The following NANOG variants were observed in gnomAD, a reference collection of about 807,000 sequenced individuals.
The protein encoded by NANOG is Nanog homeobox.
A neutral mutation model predicts 17.7 loss-of-function variants in NANOG; 2 were observed. That is an observed-to-expected ratio of 0.11 (90% CI 0.05 to 0.36). The LOEUF is 0.36. Among genes scored for constraint, NANOG ranks in the 10% least tolerant of loss-of-function variants. The pLI is 1.00. For synonymous variants in NANOG, 81 were observed against 124.7 expected (o/e 0.65, Z 2.33); for missense variants, 174 against 362.1 (o/e 0.48, Z 4.22).
rs73270925 is a variant in NANOG, at chr12:7,793,532, G to A, written c.414+320G>A. 7.5e-3 allele frequency among the ~76,000 whole-genome samples: 1,138 copies of A among 152,158 alleles called. 18 individuals are homozygous for A. The highest frequency in any genetic ancestry group is 0.026 in the African/African-American group (1,067 of 41,474). On this transcript the variant is annotated intron_variant, in intron 2 of 3. Transcript: ENST00000229307. ...GTAGGAGAAACCCTAACTCACACTG[G>A]TTCTCATTAAAATAAAAACTTTTTT...
In NANOG at chr12:7,795,227, A is replaced by G; in HGVS notation, c.*132A>G. The G allele has an allele frequency of 1.5e-6, 1 of 675,834 alleles. No homozygotes were observed. Among genetic ancestry groups the G allele is most frequent in the Non-Finnish European group, 2.6e-6 (1 of 379,828 alleles). The allele number at this position is 675,834 out of a possible 1,614,324, so 41.9% of individuals were successfully genotyped here. A position where few individuals can be genotyped will look rare whatever the true frequency, so the allele number is the denominator to read the frequency against. On this transcript the variant is annotated 3_prime_UTR_variant, in exon 4 of 4. Transcript: ENST00000229307. ...GTTCTGGTTTCCATGATGCCCATCC[A>G]GTCAATCTCATGGAGGGTGGAGTAT...
intron 1 of NANOG, among the ~76,000 whole-genome samples, chr12:7,791,558 C>A (rs898833359): frequency 6.6e-6 from 1 of 152,058 alleles, no homozygotes; most frequent in African/African-American, 2.4e-5. Context: ...GATCTACTTG[C>A]AAGAGAGAAG....
Position 7,795,058 on chromosome 12 carries a change from T to C in NANOG, c.881T>C (p.Leu294Pro). Reference sequence around the variant, plus strand: ...ACTCCACAAACCATGGATTTATTCCTAAACTACTCCATGAACATGCAACCT... The same window carrying C: ...ACTCCACAAACCATGGATTTATTCCCAAACTACTCCATGAACATGCAACCT... ...FSTPQTMDLFLNYSMNMQPED... is the reference protein window; with the variant it reads ...FSTPQTMDLFPNYSMNMQPED... Residue 294 changes from leucine to proline, a missense_variant, in exon 4 of 4, where the codon CTA becomes CCA. By Grantham distance (98) the Leu-to-Pro change is moderately conservative. Coordinates refer to ENST00000229307, the MANE Select transcript of NANOG (RefSeq NM_024865.4). 1 of 1,348,998 alleles carries C rather than the reference T, an allele frequency of 7.4e-7. No homozygotes were observed. The highest frequency in any genetic ancestry group is 1.0e-6 in the Non-Finnish European group (1 of 954,022). The allele number at this position is 1,348,998 out of a possible 1,614,324, so 83.6% of individuals were successfully genotyped here. A position where few individuals can be genotyped will look rare whatever the true frequency, so the allele number is the denominator to read the frequency against.
intron 2 of NANOG, among the ~76,000 whole-genome samples, chr12:7,794,015 G>C (rs1269702908): frequency 6.6e-6 from 1 of 152,126 alleles, no homozygotes; most frequent in African/African-American, 2.4e-5. Flanking sequence ...AAAGTGCTAG[G>C]ATTACAGGTG....
chr12:7,793,255 A>T, intron 2 of NANOG, 43 bp downstream of exon 2: 1 of 1,600,992 alleles, frequency 6.2e-7, no homozygotes, highest in Non-Finnish European at 8.5e-7. Flanking sequence ...CAAAAATTGG[A>T]CTAATTTGCA....
At chr12:7,789,887 T>C (rs1862813675) in intron 1 of NANOG, 122 bp downstream of exon 1, 2 of 1,036,758 alleles carry the variant, frequency 1.9e-6, no homozygotes, top group African/African-American at 1.6e-5. Context: ...GAAGTGTTAT[T>C]ATCAACTAAT....
rs566342672 is a variant in NANOG, at chr12:7,794,177, G to A, written c.415-280G>A. 8.1e-4 allele frequency among the ~76,000 whole-genome samples: 124 copies of A among 152,258 alleles called. 2 individuals are homozygous for A. Among genetic ancestry groups the A allele is most frequent in the Middle Eastern group, 6.8e-3 (2 of 294 alleles). ...CAGCCTTCACTTCCCAGGTGCAAGCGATCCTCCCGTCTCAGCCTCCTGAGA... is the reference window on the plus strand; with the variant it reads ...CAGCCTTCACTTCCCAGGTGCAAGCAATCCTCCCGTCTCAGCCTCCTGAGA... On this transcript the variant is annotated intron_variant, in intron 2 of 3. Coordinates refer to ENST00000229307, the MANE Select transcript of NANOG (RefSeq NM_024865.4).
rs192830112 is a variant in NANOG, at chr12:7,790,843, A to G, written c.151+1078A>G. Among the ~76,000 whole-genome samples, 741 of 152,230 alleles carry G rather than the reference A, an allele frequency of 4.9e-3. 2 individuals carry two copies. The highest frequency in any genetic ancestry group is 8.9e-3 in the Non-Finnish European group (604 of 68,018). On this transcript the variant is annotated intron_variant, in intron 1 of 3. Coordinates refer to ENST00000229307, the MANE Select transcript of NANOG (RefSeq NM_024865.4). ...TCACCGCAGCCTCAACCCTGAGATC[A>G]AGTGATCCTCTTGCCTCAGCCTCCC...
chr12:7,793,305 A>G, intron 2 of NANOG, 93 bp downstream of exon 2: 1 of 1,209,164 alleles, frequency 8.3e-7, no homozygotes, highest in Non-Finnish European at 1.2e-6. Flanking sequence ...TGTGTGTACT[A>G]TGTGTCCGTA....
intron 1 of NANOG, 110 bp from the exon 2 acceptor site, chr12:7,792,840 G>A (rs2120567042): frequency 8.7e-7 from 1 of 1,145,918 alleles, no homozygotes; most frequent in Non-Finnish European, 1.2e-6. Flanking sequence ...TTATTACTTA[G>A]ATCTGGGGTT....
chr12:7,792,886 T>A lies in NANOG; in HGVS notation c.152-64T>A. 12 of 1,484,020 alleles carry A rather than the reference T, an allele frequency of 8.1e-6. No homozygotes were observed. The South Asian group carries it at 1.4e-4, about 18-fold the overall frequency. 91.9% of individuals were successfully genotyped at this position (1,484,020 alleles called of 1,614,324 possible). A position where few individuals can be genotyped will look rare whatever the true frequency, so the allele number is the denominator to read the frequency against. The stretch of plus-strand genomic sequence containing the variant: ...TCAAAGTACTTTGAAAACAATTTTT[T>A]TAAAGGATATTTTAATATTTGAAAA... On this transcript the variant is annotated intron_variant, in intron 1 of 3. Coordinates refer to ENST00000229307, the MANE Select transcript of NANOG (RefSeq NM_024865.4).
At chr12:7,794,408 T>A (rs775686047) in intron 2 of NANOG, 49 bp from the exon 3 acceptor site, 1 of 1,496,180 alleles carries the variant, frequency 6.7e-7, no homozygotes, top group Admixed American at 1.8e-5. Flanking sequence ...TGATTCAAAG[T>A]ACCTCTGTAT....
In NANOG at chr12:7,793,063, G is replaced by A. The variant is rs756026216; in HGVS notation, c.265G>A (p.Asp89Asn). ...SAEKSVAKKE[D>N]KVPVKKQKTR... ...AGAGAAGAGTGTCGCAAAAAAGGAA[G>A]ACAAGGTCCCGGTCAAGAAACAGAA... is the stretch of plus-strand genomic sequence containing the variant. Residue 89 changes from aspartate (D) to asparagine (N), a missense_variant, in exon 2 of 4, where the codon GAC becomes AAC. This residue lies in a region of NANOG where 158 missense variants were observed against 244.2 expected (regional missense o/e 0.65). Coordinates refer to ENST00000229307, the MANE Select transcript of NANOG (RefSeq NM_024865.4). 23 of 1,609,992 alleles carry A rather than the reference G, an allele frequency of 1.4e-5. No individual in the cohort carries two copies. Among genetic ancestry groups the A allele is most frequent in the Non-Finnish European group, 2.0e-5 (23 of 1,176,510 alleles).
Position 7,795,523 on chromosome 12 carries a change from G to A in NANOG, c.*428G>A, listed in dbSNP as rs1259722758. The A allele has an allele frequency of 2.3e-5, 3 of 133,204 alleles. No individual in the cohort carries two copies. Among genetic ancestry groups the A allele is most frequent in the South Asian group, 1.1e-4 (1 of 8,986 alleles). 8.3% of individuals were successfully genotyped at this position (133,204 alleles called of 1,614,324 possible). A position where few individuals can be genotyped will look rare whatever the true frequency, so the allele number is the denominator to read the frequency against. ...TTTTTAGTAGAGACGGGGTTTCACT[G>A]TGTTAGCCAGGATGGTCTCGATCTC... On this transcript the variant is annotated 3_prime_UTR_variant, in exon 4 of 4. Transcript: ENST00000229307.
Position 7,796,641 on chromosome 12 carries a change from C to T in NANOG, c.*1546C>T, listed in dbSNP as rs1215661688. ...TATCTGATCTGAGAGCACGTCCCTTCACTCTGAAGCAGCATGATGCAGGTT... is the reference window on the plus strand; with the variant it reads ...TATCTGATCTGAGAGCACGTCCCTTTACTCTGAAGCAGCATGATGCAGGTT... On this transcript the variant is annotated 3_prime_UTR_variant, in exon 4 of 4. Transcript: ENST00000229307. 6.6e-6 allele frequency: 1 copy of T among 152,188 alleles called. No individual in the cohort carries two copies. The highest frequency in any genetic ancestry group is 1.5e-5 in the Non-Finnish European group (1 of 68,048). 9.4% of individuals were successfully genotyped at this position (152,188 alleles called of 1,614,324 possible). A position where few individuals can be genotyped will look rare whatever the true frequency, so the allele number is the denominator to read the frequency against.
chr12:7,792,830 T>C, intron 1 of NANOG, 120 bp from the exon 2 acceptor site: 1 of 1,053,436 alleles, frequency 9.5e-7, no homozygotes, highest in East Asian at 2.5e-5. Context: ...AAATTGCTTC[T>C]TATTACTTAG....
chr12:7,792,002 C>G (rs1862847753), intron 1 of NANOG, among the ~76,000 whole-genome samples: 1 of 152,208 alleles, frequency 6.6e-6, no homozygotes, highest in African/African-American at 2.4e-5. Context: ...TCAAGTGATT[C>G]TCCTGCCTCA....
Position 7,790,284 on chromosome 12 carries a change from C to T in NANOG, c.151+519C>T, listed in dbSNP as rs747937920. On this transcript the variant is annotated intron_variant, in intron 1 of 3. Coordinates refer to ENST00000229307, the MANE Select transcript of NANOG (RefSeq NM_024865.4). ...TCTATGTCAGTAACGGCTGTCTCTT[C>T]TCCATTCTCTGGGTTTGTGGATGTT... Among the ~76,000 whole-genome samples the T allele has an allele frequency of 1.4e-3, 210 of 152,314 alleles. 1 individual carries two copies. Among genetic ancestry groups the T allele is most frequent in the African/African-American group, 4.9e-3 (204 of 41,564 alleles).
intron 1 of NANOG, among the ~76,000 whole-genome samples, chr12:7,792,240 A>G (rs902326609): frequency 2.1e-4 from 32 of 152,202 alleles, no homozygotes; most frequent in African/African-American, 7.7e-4. Context: ...CATTTAAGCA[A>G]TCATGTAGGT....
Sources: allele counts gnomAD v4.1 joint callset (sites outside exome capture counted in the v4.1 genomes callset), GRCh38; gene constraint gnomAD v4.1.1; regional missense constraint gnomAD v4.1.1; transcripts MANE v1.5; gene names NCBI Gene and HGNC (gene_info 2026-07-23, HGNC 2026-07-21).